UBQLN1: variants seen among roughly 807,000 people sequenced by gnomAD.
UBQLN1 encodes the protein ubiquilin-1.
A neutral mutation model predicts 65.4 loss-of-function variants in UBQLN1; 13 were observed. The ratio of observed to expected loss-of-function variants is 0.20; its 90% confidence interval spans 0.13 to 0.32. UBQLN1 has a LOEUF of 0.32. Among genes scored for constraint, UBQLN1 ranks in the 10% least tolerant of loss-of-function variants. UBQLN1 has a pLI of 1.00. For missense variants in UBQLN1, 561 were observed against 724.0 expected, an observed-to-expected ratio of 0.77 and a Z score of 2.58; for synonymous variants, 267 against 247.8, an observed-to-expected ratio of 1.08 and a Z score of -0.73.
intron 6 of UBQLN1, among the ~76,000 whole-genome samples, chr9:83,674,331 C>T (rs925224292): frequency 1.3e-5 from 2 of 152,108 alleles, no homozygotes; most frequent in African/African-American, 4.8e-5. Flanking sequence ...TATGCAATGA[C>T]ACTAAAAGAA....
At chr9:83,662,271 TATACAC>T (rs1342881449) in intron 10 of UBQLN1, among the ~76,000 whole-genome samples, 57 of 102,334 alleles carry the variant, frequency 5.6e-4, no homozygotes, top group East Asian at 2.6e-3. Flanking sequence ...TACATATACA[TATACAC>T]ACACACACAC....
rs922594123 is a variant in UBQLN1 at position 83,668,455 on chromosome 9, T to C, written c.1248+730A>G. 1.5e-5 allele frequency: 15 copies of C among 985,234 alleles called. No individual in the cohort carries two copies. The South Asian group carries it at 2.3e-4, about 15-fold the overall frequency. The allele number at this position is 985,234 out of a possible 1,614,324, so 61.0% of individuals were successfully genotyped here. ...ACATTCTCCGTGGTTTTTCAAGCCCTGTGGTATGGAACCTAGATAGTACCT... is the reference window on the plus strand; with the variant it reads ...ACATTCTCCGTGGTTTTTCAAGCCCCGTGGTATGGAACCTAGATAGTACCT... On this transcript the variant is annotated intron_variant, in intron 7 of 10. Transcript: ENST00000376395.
At chr9:83,690,778 G>C (rs551386691) in intron 1 of UBQLN1, among the ~76,000 whole-genome samples, 3 of 150,904 alleles carry the variant, frequency 2.0e-5, no homozygotes, top group African/African-American at 7.3e-5. Flanking sequence ...ACATCAAGAA[G>C]TCGAAACACA....
intron 1 of UBQLN1, among the ~76,000 whole-genome samples, chr9:83,691,286 G>C (rs1363908831): frequency 2.6e-5 from 4 of 151,982 alleles, no homozygotes; most frequent in Non-Finnish European, 5.9e-5. Flanking sequence ...GACCAGACTG[G>C]ATATAAGACA....
chr9:83,660,694 G>A lies in UBQLN1; in HGVS notation c.*1093C>T, dbSNP rs1164121874. On this transcript the variant is annotated 3_prime_UTR_variant, in exon 11 of 11. Coordinates refer to ENST00000376395, the MANE Select transcript of UBQLN1 (RefSeq NM_013438.5). ...CCCCACCCCGTCCCCCTTTCTCTGAGGCTCTGAAAAGCACAATATTTAACT... is the reference window on the plus strand; with the variant it reads ...CCCCACCCCGTCCCCCTTTCTCTGAAGCTCTGAAAAGCACAATATTTAACT... 8.5e-6 allele frequency: 1 copy of A among 117,478 alleles called. No homozygotes were observed. The highest frequency in any genetic ancestry group is 1.3e-4 in the Admixed American group (1 of 7,442). 7.3% of individuals were successfully genotyped at this position (117,478 alleles called of 1,614,324 possible).
intron 1 of UBQLN1, among the ~76,000 whole-genome samples, chr9:83,695,328 G>A (rs370694207): frequency 1.3e-5 from 2 of 151,652 alleles, no homozygotes; most frequent in East Asian, 3.9e-4. Context: ...CCTCCCAGGT[G>A]GCTGGGACTA....
Position 83,707,561 on chromosome 9 carries a change from G to A in UBQLN1, c.119C>T (p.Thr40Ile). The change falls in exon 1 of 11, where the codon ACC becomes ATC. Residue 40 changes from threonine to isoleucine, a missense_variant. Physicochemically the swap from Thr to Ile is moderately conservative, Grantham distance 89. Transcript: ENST00000376395. ...ASAEPKIMKV[T>I]VKTPKEKEEF... Reference sequence around the variant, plus strand: ...CTCCTTTTCCTTCGGGGTCTTCACGGTGACTTTCATGATTTTGGGCTCCGC... The same window carrying A: ...CTCCTTTTCCTTCGGGGTCTTCACGATGACTTTCATGATTTTGGGCTCCGC... 1 of 1,610,412 alleles carries A rather than the reference G, an allele frequency of 6.2e-7. No homozygotes were observed. The highest frequency in any genetic ancestry group is 2.3e-5 in the East Asian group (1 of 44,368).
chr9:83,693,206 C>A (rs1390534620), intron 1 of UBQLN1, among the ~76,000 whole-genome samples: 1 of 151,674 alleles, frequency 6.6e-6, no homozygotes, highest in East Asian at 1.9e-4. Context: ...TCAAAATGAA[C>A]CCAGCACAGA....
At chr9:83,688,765 G>T (rs1832080446) in intron 1 of UBQLN1, among the ~76,000 whole-genome samples, 1 of 151,942 alleles carries the variant, frequency 6.6e-6, no homozygotes, top group African/African-American at 2.4e-5. Flanking sequence ...GGAGGCTGAG[G>T]CAGGAGAATT....
chr9:83,667,772 TA>T (rs1831665788), intron 7 of UBQLN1: 1 of 974,526 alleles, frequency 1.0e-6, no homozygotes, highest in Admixed American at 6.2e-5. Context: ...CACAAGTTTT[TA>T]CACTCAAGAG....
At chr9:83,677,389 C>T (rs1343638191) in intron 6 of UBQLN1, among the ~76,000 whole-genome samples, 1 of 152,074 alleles carries the variant, frequency 6.6e-6, no homozygotes. Flanking sequence ...ATGGAGAAAC[C>T]CTGTCTCTAC....
At chr9:83,691,359 C>T (rs1832126178) in intron 1 of UBQLN1, among the ~76,000 whole-genome samples, 1 of 152,008 alleles carries the variant, frequency 6.6e-6, no homozygotes, top group African/African-American at 2.4e-5. Flanking sequence ...TCGTATGTGG[C>T]AGAGACAATT....
At chr9:83,684,807 T>C (rs1290873847) in intron 2 of UBQLN1, among the ~76,000 whole-genome samples, 1 of 129,418 alleles carries the variant, frequency 7.7e-6, no homozygotes, top group Non-Finnish European at 1.6e-5. Context: ...TGAAATTCCG[T>C]CTCAAAAAAA....
intron 1 of UBQLN1, among the ~76,000 whole-genome samples, chr9:83,688,980 T>C (rs995520125): frequency 4.6e-5 from 7 of 152,222 alleles, no homozygotes; most frequent in Non-Finnish European, 5.9e-5. Context: ...ATTTAAAGTA[T>C]ACGATTCAAT....
At chr9:83,701,194 A>C (rs1377217987) in intron 1 of UBQLN1, among the ~76,000 whole-genome samples, 1 of 152,154 alleles carries the variant, frequency 6.6e-6, no homozygotes, top group Non-Finnish European at 1.5e-5. Flanking sequence ...ATAACCTTTA[A>C]AAATAAATTC....
intron 2 of UBQLN1, among the ~76,000 whole-genome samples, chr9:83,684,036 A>T (rs892568889): frequency 7.9e-5 from 12 of 151,892 alleles, no homozygotes; most frequent in African/African-American, 2.7e-4. Context: ...ACAAACAAAC[A>T]AACAAAAAAA....
At chr9:83,699,448 G>T (rs117000243) in intron 1 of UBQLN1, among the ~76,000 whole-genome samples, 2 of 152,180 alleles carry the variant, frequency 1.3e-5, no homozygotes, top group Non-Finnish European at 2.9e-5. Context: ...GCTCAACCTT[G>T]CTGGACTAGC....
Position 83,661,584 on chromosome 9 carries a change from T to G in UBQLN1, c.*203A>C, listed in dbSNP as rs900775271. 4.2e-6 allele frequency: 2 copies of G among 478,180 alleles called. No homozygotes were observed. Among genetic ancestry groups the G allele is most frequent in the African/African-American group, 2.0e-5 (1 of 50,550 alleles). The allele number at this position is 478,180 out of a possible 1,614,324, so 29.6% of individuals were successfully genotyped here. A position where few individuals can be genotyped will look rare whatever the true frequency, so the allele number is the denominator to read the frequency against. ...ATAAATGCAGAAGTGATGCATGCAG[T>G]AGCCTTAATTCCCACTGTTCCAGAA... is the stretch of plus-strand genomic sequence containing the variant. On this transcript the variant is annotated 3_prime_UTR_variant, in exon 11 of 11. Transcript: ENST00000376395.
intron 1 of UBQLN1, among the ~76,000 whole-genome samples, chr9:83,697,964 G>A (rs1331274509): frequency 2.0e-5 from 3 of 152,006 alleles, no homozygotes; most frequent in Non-Finnish European, 4.4e-5. Context: ...TCAAACTCCT[G>A]ACCTCATGTG....
Sources: gnomAD v4.1 joint callset for allele counts (sites outside exome capture counted in the v4.1 genomes callset) on GRCh38, gnomAD v4.1.1 for gene constraint, MANE v1.5 for transcripts, NCBI Gene and HGNC (gene_info 2026-07-23, HGNC 2026-07-21) for gene names.